The following SCHIP1 variants were observed in gnomAD, a reference collection of about 807,000 sequenced individuals.
The protein encoded by SCHIP1 is schwannomin-interacting protein 1.
Under a neutral mutation model 29.7 loss-of-function variants are expected in SCHIP1, and 8 were observed. The ratio of observed to expected loss-of-function variants is 0.27; its 90% CI spans 0.16 to 0.49. SCHIP1 has a LOEUF of 0.49. Ranked by LOEUF, SCHIP1 falls within the 20% of genes least tolerant of loss-of-function variation. The pLI is 0.99. For synonymous variants in SCHIP1, 76 were observed against 94.9 expected (o/e 0.80, Z 1.16); for missense variants, 193 against 294.6 (o/e 0.66, Z 2.52).
the SCHIP1 span, among the ~76,000 whole-genome samples, chr3:159,388,150 G>A: frequency 1.3e-5 from 2 of 152,106 alleles, no homozygotes; most frequent in African/African-American, 2.4e-5. Flanking sequence ...TGGAAAGAAG[G>A]AGAGCAAATT....
At chr3:159,330,145 C>T in the SCHIP1 span, among the ~76,000 whole-genome samples, 24 of 152,178 alleles carry the variant, frequency 1.6e-4, no homozygotes, top group Non-Finnish European at 2.8e-4. Flanking sequence ...AAACCAACCA[C>T]ATCACCTTTT....
chr3:159,737,067 G>A, the SCHIP1 span, among the ~76,000 whole-genome samples: 1 of 152,168 alleles, frequency 6.6e-6, no homozygotes, highest in Non-Finnish European at 1.5e-5. Flanking sequence ...CTCTGGGTCT[G>A]TCCTTTGTGT....
At chr3:159,552,388 C>T in the SCHIP1 span, among the ~76,000 whole-genome samples, 1 of 151,986 alleles carries the variant, frequency 6.6e-6, no homozygotes, top group Non-Finnish European at 1.5e-5. Flanking sequence ...TGGACAATGA[C>T]CACAGAATAA....
chr3:159,529,468 A>C, the SCHIP1 span, among the ~76,000 whole-genome samples: 1 of 151,842 alleles, frequency 6.6e-6, no homozygotes, highest in Non-Finnish European at 1.5e-5. Context: ...TTTTATTTTT[A>C]TTTTTTAAGT....
the SCHIP1 span, among the ~76,000 whole-genome samples, chr3:159,541,301 T>TA: frequency 6.6e-6 from 1 of 152,130 alleles, no homozygotes; most frequent in East Asian, 1.9e-4. Flanking sequence ...ACTAAAATGA[T>TA]ACAAAGAAAG....
At chr3:159,722,040 T>A in the SCHIP1 span, 1 of 366,984 alleles carries the variant, frequency 2.7e-6, no homozygotes, top group Non-Finnish European at 5.2e-6. Flanking sequence ...CTTTATTATG[T>A]CTGCATTCTC....
the SCHIP1 span, among the ~76,000 whole-genome samples, chr3:159,761,625 A>T: frequency 6.6e-6 from 1 of 152,176 alleles, no homozygotes; most frequent in African/African-American, 2.4e-5. Context: ...CAGAAAGGAA[A>T]CTGGGCTAGC....
chr3:159,807,738 T>C, the SCHIP1 span, among the ~76,000 whole-genome samples: 46 of 152,174 alleles, frequency 3.0e-4, no homozygotes, highest in Admixed American at 6.5e-4. Flanking sequence ...AAATGAGGAC[T>C]TGTTCTTTGC....
At chr3:159,891,081 A>G (rs971196347) in intron 5 of SCHIP1, among the ~76,000 whole-genome samples, 2 of 152,056 alleles carry the variant, frequency 1.3e-5, no homozygotes, top group African/African-American at 4.8e-5. Context: ...AAGATTAGAT[A>G]TATTTCGGGC....
chr3:159,650,138 T>C, the SCHIP1 span, among the ~76,000 whole-genome samples: 2 of 152,162 alleles, frequency 1.3e-5, no homozygotes, highest in Non-Finnish European at 1.5e-5. Context: ...TGGTATAAAC[T>C]ATCCAGGACA....
At chr3:159,431,001 GA>G in the SCHIP1 span, among the ~76,000 whole-genome samples, 6 of 152,146 alleles carry the variant, frequency 3.9e-5, no homozygotes, top group African/African-American at 1.2e-4. Context: ...TCCAAGGAAG[GA>G]AATCGACCTT....
chr3:159,358,116 C>G, the SCHIP1 span, among the ~76,000 whole-genome samples: 2 of 152,176 alleles, frequency 1.3e-5, no homozygotes, highest in Non-Finnish European at 2.9e-5. Flanking sequence ...TAGTGCAAAA[C>G]CAGGAGCCAG....
intron 6 of SCHIP1, among the ~76,000 whole-genome samples, chr3:159,895,300 C>T (rs1324610539): frequency 6.6e-6 from 1 of 152,120 alleles, no homozygotes; most frequent in African/African-American, 2.4e-5. Context: ...TTGTCACTCC[C>T]CTGTTTCTGA....
At chr3:159,640,681 G>GCA in the SCHIP1 span, among the ~76,000 whole-genome samples, 2 of 152,114 alleles carry the variant, frequency 1.3e-5, no homozygotes, top group Non-Finnish European at 2.9e-5. Context: ...CCATGAGAAG[G>GCA]CACAGCGTCA....
At chr3:159,764,762 G>A in the SCHIP1 span, 1 of 1,573,068 alleles carries the variant, frequency 6.4e-7, no homozygotes, top group Admixed American at 1.8e-5. The surrounding 1 kb of genome is among the most constrained non-coding windows in gnomAD (Gnocchi z 6.1). Context: ...GTAAGCGCCA[G>A]GACCCGCAGC....
At chr3:159,863,285 A>G (rs1714251340) in intron 1 of SCHIP1, among the ~76,000 whole-genome samples, 1 of 152,084 alleles carries the variant, frequency 6.6e-6, no homozygotes, top group Non-Finnish European at 1.5e-5. Flanking sequence ...TGTTGCAGTG[A>G]GTCGAAATGG....
At chr3:159,765,190 GCGCACAGCC>G in the SCHIP1 span, 1 of 1,491,512 alleles carries the variant, frequency 6.7e-7, no homozygotes, top group Non-Finnish European at 8.9e-7. Context: ...TACACACCCC[GCGCACAGCC>G]CGCACGCCCC....
the SCHIP1 span, among the ~76,000 whole-genome samples, chr3:159,530,512 T>G: frequency 6.6e-6 from 1 of 152,194 alleles, no homozygotes; most frequent in Non-Finnish European, 1.5e-5. Context: ...CTATAATTTC[T>G]TCCACTAGCA....
At chr3:159,622,048 CG>C in the SCHIP1 span, among the ~76,000 whole-genome samples, 2 of 152,206 alleles carry the variant, frequency 1.3e-5, no homozygotes, top group Non-Finnish European at 2.9e-5. Context: ...TTCAACACAG[CG>C]GCATCCCTTT....
Sources: allele counts gnomAD v4.1 joint callset (sites outside exome capture counted in the v4.1 genomes callset), GRCh38; gene constraint gnomAD v4.1.1; non-coding constraint Gnocchi (gnomAD v3.1); transcripts MANE v1.5; gene names NCBI Gene and HGNC (gene_info 2026-07-23, HGNC 2026-07-21).